The following ME3 variants were observed in gnomAD, a reference collection of about 807,000 sequenced individuals.
ME3 encodes malic enzyme 3, also known as NADP-dependent malic enzyme, mitochondrial.
A neutral mutation model predicts 68.9 loss-of-function variants in ME3; 48 were observed. The observed-to-expected ratio is 0.70, with a 90% CI of 0.55 to 0.89. ME3 has a LOEUF of 0.89. ME3 is among the 40% of genes least tolerant of loss of function. The pLI is 0.00. For missense variants in ME3, 675 were observed against 797.4 expected (o/e 0.85, Z 1.85); for synonymous variants, 320 against 318.8 (o/e 1.00, Z -0.04).
chr11:86,527,643 C>T (rs1345713967), intron 4 of ME3, among the ~76,000 whole-genome samples: 9 of 152,188 alleles, frequency 5.9e-5, no homozygotes, highest in Admixed American at 2.0e-4. Flanking sequence ...GCCCATCAGA[C>T]TAACAGCTGA....
chr11:86,435,617 A>T, the ME3 span: 4 of 152,242 alleles, frequency 2.6e-5, no homozygotes, highest in African/African-American at 9.6e-5. Context: ...TCTACGTGTT[A>T]TAAGTTGGGT....
At chr11:86,554,751 C>A (rs986547497) in intron 4 of ME3, among the ~76,000 whole-genome samples, 2 of 152,216 alleles carry the variant, frequency 1.3e-5, no homozygotes, top group Non-Finnish European at 2.9e-5. Flanking sequence ...AGAACCAATT[C>A]TTCACACTGA....
At chr11:86,440,259 G>A (rs1948931832), downstream of ME3, among the ~76,000 whole-genome samples, 1 of 152,218 alleles carries the variant, frequency 6.6e-6, no homozygotes, top group African/African-American at 2.4e-5. Flanking sequence ...CATCTTAGCA[G>A]TATCTAATTT....
intron 2 of ME3, 103 bp downstream of exon 2, chr11:86,671,659 G>A (rs2135538090): frequency 2.1e-6 from 3 of 1,451,760 alleles, no homozygotes; most frequent in East Asian, 5.3e-5. Flanking sequence ...AAAACCGCTG[G>A]AAGGGCGCCC....
rs567626054 is a variant in ME3 at position 86,579,901 on chromosome 11, C to T, written c.184-20078G>A. On this transcript the variant is annotated intron_variant, in intron 2 of 14. Coordinates refer to ENST00000543262, the Ensembl canonical transcript of ME3. ...AATGGCATTCCCATTTTTTATTAGA[C>T]TTATATTAAAAGAAAGTGAAAAGAA... 3.9e-5 allele frequency among the ~76,000 whole-genome samples: 6 copies of T among 152,214 alleles called. No individual in the cohort carries two copies. The South Asian group carries it at 8.3e-4, about 21-fold the overall frequency.
At chr11:86,522,691 C>A (rs576959437) in intron 4 of ME3, among the ~76,000 whole-genome samples, 1 of 152,104 alleles carries the variant, frequency 6.6e-6, no homozygotes, top group Non-Finnish European at 1.5e-5. Flanking sequence ...TCATCCATAT[C>A]CCTGCAAAGG....
At chr11:86,518,254 T>A (rs1168572964) in intron 4 of ME3, among the ~76,000 whole-genome samples, 1 of 152,318 alleles carries the variant, frequency 6.6e-6, no homozygotes, top group Non-Finnish European at 1.5e-5. Flanking sequence ...AGCTGACCTG[T>A]CTTTTCCTGC....
intron 8 of ME3, among the ~76,000 whole-genome samples, chr11:86,456,540 G>A (rs559444205): frequency 2.4e-4 from 36 of 152,166 alleles, no homozygotes; most frequent in Admixed American, 2.4e-3. Flanking sequence ...TTCCTTCCCA[G>A]GTTTGCTTCC....
At chr11:86,496,363 G>A (rs1055960054) in intron 6 of ME3, among the ~76,000 whole-genome samples, 1 of 151,924 alleles carries the variant, frequency 6.6e-6, no homozygotes, top group Non-Finnish European at 1.5e-5. Flanking sequence ...CCGAGATCAC[G>A]CCACTGCACT....
intron 7 of ME3, among the ~76,000 whole-genome samples, chr11:86,485,532 A>T (rs1246378922): frequency 6.6e-6 from 1 of 152,154 alleles, no homozygotes; most frequent in Admixed American, 6.5e-5. Flanking sequence ...TCTTAGCTGC[A>T]AACATCTAAC....
chr11:86,490,989 G>A (rs1453858704), intron 6 of ME3, among the ~76,000 whole-genome samples: 1 of 152,114 alleles, frequency 6.6e-6, no homozygotes, highest in Non-Finnish European at 1.5e-5. Context: ...TGAGATACAA[G>A]GGTGACTATA....
intron 2 of ME3, among the ~76,000 whole-genome samples, chr11:86,610,519 T>C (rs939419799): frequency 6.6e-6 from 1 of 151,898 alleles, no homozygotes; most frequent in Non-Finnish European, 1.5e-5. Flanking sequence ...TGCACAAAGG[T>C]AGAAGGTGCA....
intron 2 of ME3, among the ~76,000 whole-genome samples, chr11:86,658,743 T>C (rs1202080911): frequency 6.6e-6 from 1 of 152,026 alleles, no homozygotes; most frequent in Non-Finnish European, 1.5e-5. Context: ...CTGGCACCCA[T>C]GCCATCATCT....
At chr11:86,488,108 A>G (rs1951801722) in intron 6 of ME3, among the ~76,000 whole-genome samples, 1 of 152,160 alleles carries the variant, frequency 6.6e-6, no homozygotes, top group Admixed American at 6.5e-5. Flanking sequence ...TGACCTTGGG[A>G]GGCCAAGGCT....
At chr11:86,650,915 C>T (rs1055784994) in intron 2 of ME3, among the ~76,000 whole-genome samples, 18 of 152,226 alleles carry the variant, frequency 1.2e-4, no homozygotes, top group Admixed American at 5.9e-4. Flanking sequence ...ACTTTTCCAA[C>T]GGTCTTAGCC....
chr11:86,563,164 A>G (rs1293337522), intron 2 of ME3, among the ~76,000 whole-genome samples: 1 of 151,932 alleles, frequency 6.6e-6, no homozygotes, highest in Non-Finnish European at 1.5e-5. Context: ...AGAATGATTT[A>G]TTTTCCTTTG....
At chr11:86,584,316 C>G (rs1260671359) in intron 2 of ME3, among the ~76,000 whole-genome samples, 1 of 152,050 alleles carries the variant, frequency 6.6e-6, no homozygotes, top group African/African-American at 2.4e-5. Context: ...CAAAAGGTAA[C>G]AAGTATTGGT....
At chr11:86,516,554 A>AT (rs1953919249) in intron 4 of ME3, among the ~76,000 whole-genome samples, 2 of 151,982 alleles carry the variant, frequency 1.3e-5, no homozygotes, top group South Asian at 4.2e-4. Context: ...TGCCCAGCTA[A>AT]TTTTTTGTAT....
intron 2 of ME3, among the ~76,000 whole-genome samples, chr11:86,594,955 G>A (rs1343768182): frequency 6.9e-6 from 1 of 145,392 alleles, no homozygotes; most frequent in Admixed American, 7.4e-5. Context: ...CTTCTGTGGG[G>A]GATGAGCTAG....
Sources: allele counts gnomAD v4.1 joint callset (sites outside exome capture counted in the v4.1 genomes callset), GRCh38; gene constraint gnomAD v4.1.1; transcripts MANE v1.5; gene names NCBI Gene and HGNC (gene_info 2026-07-23, HGNC 2026-07-21).